PPP6R1: variants seen among roughly 807,000 people sequenced by gnomAD.
The protein encoded by PPP6R1 is serine/threonine-protein phosphatase 6 regulatory subunit 1.
A neutral mutation model predicts 104.6 loss-of-function variants in PPP6R1; 39 were observed. The ratio of observed to expected loss-of-function variants is 0.37; its 90% CI spans 0.29 to 0.49. The LOEUF (loss-of-function observed/expected upper bound fraction) is 0.49, where lower values mean the gene tolerates loss of function less well. Among genes scored for constraint, PPP6R1 ranks in the 20% least tolerant of loss-of-function variants. The probability of loss-of-function intolerance (pLI) is 0.98; values close to 1 mark genes in which losing one functional copy is unlikely to be tolerated. For synonymous variants in PPP6R1, 549 were observed against 479.0 expected, an observed-to-expected ratio of 1.15 and a Z score of -1.91; for missense variants, 1,181 against 1,155.8, an observed-to-expected ratio of 1.02 and a Z score of -0.32.
chr19:55,235,574 A>G (rs1490613378), intron 17 of PPP6R1, among the ~76,000 whole-genome samples: 1 of 149,736 alleles, frequency 6.7e-6, no homozygotes, highest in Non-Finnish European at 1.5e-5. Context: ...GCTGGAGTAC[A>G]GTGGCGCAAT....
chr19:55,249,796 C>T (rs867775401), intron 1 of PPP6R1, among the ~76,000 whole-genome samples: 1 of 151,938 alleles, frequency 6.6e-6, no homozygotes, highest in Admixed American at 6.5e-5. Context: ...GTCGAGATTG[C>T]GCCACTGCAC....
In PPP6R1 at chr19:55,236,740, C is replaced by T; in HGVS notation, c.1891G>A (p.Glu631Lys). Residue 631 changes from glutamate to lysine, a missense_variant, in exon 17 of 24, where the codon GAG (glutamate) becomes AAG (lysine). This residue lies in a region of PPP6R1 where 1,042 missense variants were observed against 955.6 expected (regional missense o/e 1.09). Transcript: ENST00000412770. ...TCAGACTCCCCTGAGCCCTGGGCCT[C>T]TTCCTCGTCCTCCTCTTCCTCATCA... ...DDDEEEEDEE[E>K]AQGSGESDGE... The T allele has an allele frequency of 6.2e-7, 1 of 1,613,970 alleles. No individual in the cohort carries two copies. The highest frequency in any genetic ancestry group is 2.2e-5 in the East Asian group (1 of 44,876).
chr19:55,245,074 G>T lies in PPP6R1; in HGVS notation c.618+46C>A, dbSNP rs765232603. ...TTTAAAAGTGGGGAAGTGGGCATGG[G>T]GAAGGAACTCTAAGGGGAATCCGCA... On this transcript the variant is annotated intron_variant, in intron 5 of 23. Coordinates refer to ENST00000412770, the MANE Select transcript of PPP6R1 (RefSeq NM_014931.4). This position sits in a 1 kb window ranked among gnomAD's most constrained non-coding sequence, Gnocchi z 6.4. 9.4e-6 allele frequency: 15 copies of T among 1,602,690 alleles called. No individual in the cohort carries two copies. The highest frequency in any genetic ancestry group is 3.4e-5 in the Admixed American group (2 of 58,488).
chr19:55,233,523 A>G (rs1387757351), intron 17 of PPP6R1, among the ~76,000 whole-genome samples: 1 of 152,242 alleles, frequency 6.6e-6, no homozygotes, highest in Non-Finnish European at 1.5e-5. Flanking sequence ...TATTCACATG[A>G]CATGATTCTG....
intron 1 of PPP6R1, among the ~76,000 whole-genome samples, chr19:55,255,377 G>T (rs1568952394): frequency 6.6e-6 from 1 of 152,230 alleles, no homozygotes; most frequent in Non-Finnish European, 1.5e-5. Flanking sequence ...TAGGGTTACA[G>T]TGTGATCCAA....
intron 17 of PPP6R1, 194 bp downstream of exon 17, chr19:55,236,449 A>G: frequency 1.6e-6 from 1 of 627,854 alleles, no homozygotes; most frequent in East Asian, 2.9e-5. Flanking sequence ...CAGGGATTAC[A>G]TGAGCCCACC....
chr19:55,254,175 G>T (rs535212361), intron 1 of PPP6R1, among the ~76,000 whole-genome samples: 3 of 152,218 alleles, frequency 2.0e-5, no homozygotes, highest in African/African-American at 7.2e-5. Flanking sequence ...TACGGCAGGC[G>T]CCATGCACCC....
Position 55,241,412 on chromosome 19 carries a change from G to C in PPP6R1, c.1009-21C>G. 5.0e-6 allele frequency: 8 copies of C among 1,600,974 alleles called. No homozygotes were observed. Among genetic ancestry groups the C allele is most frequent in the Non-Finnish European group, 6.8e-6 (8 of 1,172,256 alleles). On this transcript the variant is annotated intron_variant, in intron 8 of 23. Coordinates refer to ENST00000412770, the MANE Select transcript of PPP6R1 (RefSeq NM_014931.4). The surrounding 1 kb of genome is among the most constrained non-coding windows in gnomAD (Gnocchi z 5.4). The stretch of plus-strand genomic sequence containing the variant: ...TCCAGCTGCAGACACAGGGAGGCCT[G>C]ATTCCCAAGGGCTGCCCTTCCTGCT...
chr19:55,228,519 C>T (rs757269033), downstream of PPP6R1: 109 of 1,568,120 alleles, frequency 7.0e-5, no homozygotes, highest in Non-Finnish European at 8.9e-5. Context: ...TCCTGTCCCA[C>T]CCCCACCTGG....
chr19:55,238,995 C>T (rs955995277), intron 15 of PPP6R1: 8 of 198,118 alleles, frequency 4.0e-5, no homozygotes, highest in Non-Finnish European at 7.3e-5. Flanking sequence ...GTCTGGCAGA[C>T]TCCTGAGCCA....
chr19:55,238,330 G>C (rs539392626), intron 15 of PPP6R1, among the ~76,000 whole-genome samples: 9 of 152,324 alleles, frequency 5.9e-5, no homozygotes, highest in African/African-American at 2.2e-4. Context: ...CATCTGAGAG[G>C]ACCTCTGTCC....
chr19:55,235,517 TCC>T (rs1382346024), intron 17 of PPP6R1, among the ~76,000 whole-genome samples: 6 of 150,188 alleles, frequency 4.0e-5, no homozygotes, highest in African/African-American at 2.5e-5. Context: ...TGAATTAGAT[TCC>T]TTTTTTTTTT....
At chr19:55,243,074 T>C (rs1373303490) in intron 5 of PPP6R1, among the ~76,000 whole-genome samples, 5 of 151,926 alleles carry the variant, frequency 3.3e-5, no homozygotes, top group Non-Finnish European at 5.9e-5. Flanking sequence ...GGAGAAAGGG[T>C]CTCGGCTGGG....
chr19:55,239,364 G>A (rs1259943479), intron 15 of PPP6R1, 41 bp downstream of exon 15: 1 of 1,569,450 alleles, frequency 6.4e-7, no homozygotes, highest in Non-Finnish European at 8.8e-7. Flanking sequence ...TGCTGCTGCA[G>A]AGGCAGGACA....
intron 1 of PPP6R1, among the ~76,000 whole-genome samples, chr19:55,257,078 T>TTAA (rs2087598951): frequency 1.1e-5 from 1 of 94,278 alleles, no homozygotes; most frequent in Non-Finnish European, 2.2e-5. Flanking sequence ...GAACTAGAGT[T>TTAA]AAAAAAAAAA....
chr19:55,228,245 CA>C, downstream of PPP6R1: 1 of 1,612,550 alleles, frequency 6.2e-7, no homozygotes, highest in Non-Finnish European at 8.5e-7. Context: ...GCCGAGCACA[CA>C]AGGGCTCCCT....
intron 1 of PPP6R1, among the ~76,000 whole-genome samples, chr19:55,248,957 T>C (rs560102391): frequency 5.8e-4 from 88 of 152,250 alleles, no homozygotes; most frequent in Middle Eastern, 6.8e-3. Flanking sequence ...GCACAGAAGG[T>C]TGCAGTCCAG....
chr19:55,249,145 C>T (rs1311718235), intron 1 of PPP6R1, among the ~76,000 whole-genome samples: 1 of 152,300 alleles, frequency 6.6e-6, no homozygotes, highest in South Asian at 2.1e-4. Context: ...ATAGCAGCAG[C>T]CTCCAGGCAT....
At chr19:55,258,380 A>C (rs1240791304) in intron 1 of PPP6R1, 55 bp downstream of exon 1, 1 of 151,896 alleles carries the variant, frequency 6.6e-6, no homozygotes, top group Non-Finnish European at 1.5e-5. Flanking sequence ...CGGAGAGGGG[A>C]AGACGTGGGC....
Sources: gnomAD v4.1 joint callset for allele counts (sites outside exome capture counted in the v4.1 genomes callset) on GRCh38, gnomAD v4.1.1 for gene constraint, gnomAD v4.1.1 regional missense constraint, Gnocchi (gnomAD v3.1) non-coding constraint, MANE v1.5 for transcripts, NCBI Gene and HGNC (gene_info 2026-07-23, HGNC 2026-07-21) for gene names.